ATXN7: variants seen among roughly 807,000 people sequenced by gnomAD.
The protein encoded by ATXN7 is ataxin 7.
A neutral mutation model predicts 70.5 loss-of-function variants in ATXN7; 12 were observed. The observed-to-expected ratio is 0.17, with a 90% CI of 0.11 to 0.28. The LOEUF (loss-of-function observed/expected upper bound fraction) is 0.28, where lower values mean the gene tolerates loss of function less well. ATXN7 is among the 10% of genes least tolerant of loss of function. ATXN7 has a pLI of 1.00. For missense variants in ATXN7, 1,256 were observed against 1,131.7 expected (o/e 1.11, Z -1.58); for synonymous variants, 498 against 448.7 (o/e 1.11, Z -1.39).
intron 4 of ATXN7, among the ~76,000 whole-genome samples, chr3:63,922,655 T>G (rs371759450): frequency 1.3e-5 from 2 of 152,160 alleles, no homozygotes; most frequent in South Asian, 4.1e-4. Flanking sequence ...ACTTACATGA[T>G]TTTTTTAATG....
At chr3:63,894,945 G>A (rs1180099208) in intron 1 of ATXN7, among the ~76,000 whole-genome samples, 2 of 151,712 alleles carry the variant, frequency 1.3e-5, no homozygotes, top group Non-Finnish European at 2.9e-5. Flanking sequence ...TGTTTTTTTT[G>A]TTGTTGTTTT....
intron 11 of ATXN7, among the ~76,000 whole-genome samples, chr3:63,993,232 C>T (rs1289693801): frequency 1.3e-5 from 2 of 150,490 alleles, no homozygotes; most frequent in Non-Finnish European, 2.9e-5. Flanking sequence ...CCCATATTCC[C>T]TAAGAAGGGG....
chr3:63,863,478 G>A, upstream of ATXN7: 1 of 1,166,138 alleles, frequency 8.6e-7, no homozygotes, highest in Non-Finnish European at 1.1e-6. Flanking sequence ...TGTGTTCCCA[G>A]CCCACCGACC....
At chr3:63,911,868 A>C (rs1036459705) in intron 2 of ATXN7, 1 of 152,280 alleles carries the variant, frequency 6.6e-6, no homozygotes, top group Non-Finnish European at 1.5e-5. Flanking sequence ...CATGCTTTTG[A>C]CAACTCTGCG....
chr3:63,934,974 A>G lies in ATXN7; in HGVS notation c.395-17405A>G, dbSNP rs555621202. ...GTTGTGACAACCAAAAATGTCTGCA[A>G]ACGTTGCCAGTGTTTCCTGGGGGCA... On this transcript the variant is annotated intron_variant, in intron 4 of 12. Transcript: ENST00000674280. Among the ~76,000 whole-genome samples the G allele has an allele frequency of 4.6e-5, 7 of 152,336 alleles. No homozygotes were observed. The East Asian group carries it at 1.2e-3, about 25-fold the overall frequency.
intron 4 of ATXN7, among the ~76,000 whole-genome samples, chr3:63,915,941 C>T (rs1704246845): frequency 6.6e-6 from 1 of 152,134 alleles, no homozygotes; most frequent in Non-Finnish European, 1.5e-5. Context: ...CCGCCTCAGC[C>T]TCCACGAAGT....
At chr3:63,990,948 A>T (rs1575998207) in intron 11 of ATXN7, 89 bp downstream of exon 11, 2 of 1,588,818 alleles carry the variant, frequency 1.3e-6, no homozygotes, top group Non-Finnish European at 8.6e-7. Context: ...TTATGAAGAT[A>T]TGCTTATCTA....
intron 4 of ATXN7, among the ~76,000 whole-genome samples, chr3:63,944,293 CAGAAG>C (rs2107370377): frequency 6.6e-6 from 1 of 152,228 alleles, no homozygotes; most frequent in Admixed American, 6.5e-5. Flanking sequence ...AAGTCAGACA[CAGAAG>C]AGATTCACAA....
At chr3:63,982,075 T>A in intron 6 of ATXN7, 111 bp from the exon 7 acceptor site, 1 of 1,424,118 alleles carries the variant, frequency 7.0e-7, no homozygotes, top group Admixed American at 1.9e-5. Context: ...AGGCTGGCCC[T>A]GTGCAGCGCT....
intron 1 of ATXN7, among the ~76,000 whole-genome samples, chr3:63,865,978 T>C (rs368740194): frequency 6.6e-6 from 1 of 150,702 alleles, no homozygotes; most frequent in African/African-American, 2.4e-5. Context: ...CTTAATCTTA[T>C]CATAATACTG....
At chr3:63,938,847 T>G (rs1216151853) in intron 4 of ATXN7, among the ~76,000 whole-genome samples, 3 of 152,354 alleles carry the variant, frequency 2.0e-5, no homozygotes, top group Non-Finnish European at 4.4e-5. Flanking sequence ...AAGCTACCTT[T>G]GGGGAAAACT....
intron 5 of ATXN7, among the ~76,000 whole-genome samples, chr3:63,957,195 A>G (rs968323374): frequency 2.0e-5 from 3 of 152,234 alleles, no homozygotes; most frequent in Non-Finnish European, 4.4e-5. Context: ...TTATGCAGAC[A>G]CAGGGGTGAT....
intron 1 of ATXN7, among the ~76,000 whole-genome samples, chr3:63,876,135 C>G (rs1702744304): frequency 6.6e-6 from 1 of 152,128 alleles, no homozygotes; most frequent in Admixed American, 6.6e-5. Flanking sequence ...TTTGTAGATA[C>G]TGTGAGCCTT....
Position 63,951,827 on chromosome 3 carries a change from T to C in ATXN7, c.395-552T>C, listed in dbSNP as rs1020604457. 2.0e-5 allele frequency among the ~76,000 whole-genome samples: 3 copies of C among 152,370 alleles called. No individual in the cohort carries two copies. The South Asian group carries it at 6.2e-4, about 32-fold the overall frequency. On this transcript the variant is annotated intron_variant, in intron 4 of 12. Coordinates refer to ENST00000674280, the MANE Select transcript of ATXN7 (RefSeq NM_001377405.1). ...ATGCTGTTTGTACTAAAGTTCATTC[T>C]GCCTTTCTGGTGGCATTAGTATGTA...
intron 1 of ATXN7, among the ~76,000 whole-genome samples, chr3:63,884,030 C>G (rs1200129544): frequency 6.6e-6 from 1 of 152,052 alleles, no homozygotes; most frequent in Non-Finnish European, 1.5e-5. Context: ...TGTTCATTTA[C>G]TATAGAAGTA....
intron 4 of ATXN7, among the ~76,000 whole-genome samples, chr3:63,944,852 C>T (rs764560065): frequency 1.3e-5 from 2 of 152,032 alleles, no homozygotes; most frequent in Non-Finnish European, 2.9e-5. Context: ...AGTGCAGTGG[C>T]GCAGTCTCAG....
chr3:63,945,893 A>T (rs1344559359), intron 4 of ATXN7, among the ~76,000 whole-genome samples: 1 of 152,234 alleles, frequency 6.6e-6, no homozygotes, highest in Non-Finnish European at 1.5e-5. Context: ...AGCAGCAAGT[A>T]CCACACAGGA....
chr3:63,997,721 C>T, intron 12 of ATXN7: 1 of 1,550,806 alleles, frequency 6.4e-7, no homozygotes, highest in African/African-American at 1.4e-5. Flanking sequence ...TTTTCCCCTT[C>T]CTCGTCTTCA....
intron 4 of ATXN7, among the ~76,000 whole-genome samples, chr3:63,937,127 CAACT>C (rs1427053140): frequency 1.3e-5 from 2 of 152,120 alleles, no homozygotes; most frequent in African/African-American, 4.8e-5. Context: ...ATTAATTAAC[CAACT>C]GTTTGCAGAG....
Sources: gnomAD v4.1 joint callset for allele counts (sites outside exome capture counted in the v4.1 genomes callset) on GRCh38, gnomAD v4.1.1 for gene constraint, MANE v1.5 for transcripts, NCBI Gene and HGNC (gene_info 2026-07-23, HGNC 2026-07-21) for gene names.